SSBP2: variants seen among roughly 807,000 people sequenced by gnomAD.
The protein encoded by SSBP2 is single stranded DNA binding protein 2.
In SSBP2, 17 loss-of-function variants were observed where a neutral mutation model predicts 61.8. The ratio of observed to expected loss-of-function variants is 0.28; its 90% CI spans 0.19 to 0.41. SSBP2 has a LOEUF of 0.41. SSBP2 is among the 10% of genes least tolerant of loss of function. SSBP2 has a pLI of 1.00. For synonymous variants in SSBP2, 139 were observed against 141.3 expected, an observed-to-expected ratio of 0.98 and a Z score of 0.12; for missense variants, 310 against 458.7, an observed-to-expected ratio of 0.68 and a Z score of 2.96.
intron 1 of SSBP2, among the ~76,000 whole-genome samples, chr5:81,728,754 A>G (rs747115917): frequency 2.0e-5 from 3 of 152,222 alleles, no homozygotes; most frequent in Admixed American, 6.5e-5. Context: ...TAAAGCTCCA[A>G]GCATGAATTA....
intron 1 of SSBP2, among the ~76,000 whole-genome samples, chr5:81,725,632 A>T (rs1400383349): frequency 6.6e-6 from 1 of 152,194 alleles, no homozygotes; most frequent in African/African-American, 2.4e-5. Context: ...AGGGCCAGAG[A>T]TGTGGTAAGT....
intron 4 of SSBP2, among the ~76,000 whole-genome samples, chr5:81,574,428 G>C (rs1774058219): frequency 6.6e-6 from 1 of 151,750 alleles, no homozygotes; most frequent in African/African-American, 2.4e-5. Flanking sequence ...ATGATAGATA[G>C]GACATGGTAA....
At chr5:81,434,887 A>T (rs1277229265) in intron 15 of SSBP2, among the ~76,000 whole-genome samples, 2 of 152,164 alleles carry the variant, frequency 1.3e-5, no homozygotes, top group Non-Finnish European at 2.9e-5. Context: ...TGAAAAAATC[A>T]GTCTGGGAGT....
chr5:81,502,006 T>G (rs1000514715), intron 5 of SSBP2, among the ~76,000 whole-genome samples: 16 of 152,308 alleles, frequency 1.1e-4, no homozygotes, highest in African/African-American at 3.8e-4. Flanking sequence ...ATTTCACTCC[T>G]AGCAGCATTT....
At chr5:81,538,839 C>T (rs896928051) in intron 4 of SSBP2, among the ~76,000 whole-genome samples, 3 of 152,148 alleles carry the variant, frequency 2.0e-5, no homozygotes, top group East Asian at 1.9e-4. Flanking sequence ...ACCTGCTACA[C>T]GGAAGTCCTC....
At chr5:81,567,603 GAGA>G (rs60346874) in intron 4 of SSBP2, among the ~76,000 whole-genome samples, 6,402 of 152,232 alleles carry the variant, frequency 0.042, 446 homozygotes, top group African/African-American at 0.14. Flanking sequence ...CTGGACCTAT[GAGA>G]AGAAGGCCAC....
chr5:81,700,132 C>T (rs1753875396), intron 1 of SSBP2, among the ~76,000 whole-genome samples: 1 of 152,076 alleles, frequency 6.6e-6, no homozygotes, highest in Admixed American at 6.6e-5. Flanking sequence ...AGGTGTGAGC[C>T]ACTGTGCCTG....
chr5:81,629,303 A>C (rs999436095), intron 3 of SSBP2, among the ~76,000 whole-genome samples: 2 of 152,180 alleles, frequency 1.3e-5, no homozygotes, highest in Non-Finnish European at 2.9e-5. Flanking sequence ...ATCGATCTTT[A>C]TGTTGATGCC....
At chr5:81,429,952 T>C (rs915452639) in intron 15 of SSBP2, among the ~76,000 whole-genome samples, 3 of 152,158 alleles carry the variant, frequency 2.0e-5, no homozygotes, top group African/African-American at 7.2e-5. Flanking sequence ...ACTTGGGAAA[T>C]ATACTTTAAT....
chr5:81,465,648 T>C (rs904751851), intron 9 of SSBP2, among the ~76,000 whole-genome samples: 1 of 152,078 alleles, frequency 6.6e-6, no homozygotes, highest in African/African-American at 2.4e-5. Flanking sequence ...TTCAACATCA[T>C]ACCCCTTAAA....
At chr5:81,510,534 G>A (rs1032257754) in intron 5 of SSBP2, among the ~76,000 whole-genome samples, 8 of 152,034 alleles carry the variant, frequency 5.3e-5, no homozygotes, top group South Asian at 4.1e-4. Flanking sequence ...AGGCCAAGGC[G>A]GGCAGATAAT....
upstream of SSBP2, chr5:81,751,249 A>C (rs535893115): frequency 1.0e-5 from 6 of 588,864 alleles, no homozygotes; most frequent in East Asian, 8.8e-5. Context: ...GGTGGCGGCT[A>C]AGCCTCAGCG....
At chr5:81,465,699 A>G (rs891996027) in intron 9 of SSBP2, among the ~76,000 whole-genome samples, 10 of 152,054 alleles carry the variant, frequency 6.6e-5, no homozygotes, top group Admixed American at 4.6e-4. Flanking sequence ...GGTATGTTTT[A>G]TATACATCTC....
chr5:81,614,137 G>C (rs950693072), intron 4 of SSBP2, among the ~76,000 whole-genome samples: 16 of 152,196 alleles, frequency 1.1e-4, no homozygotes, highest in African/African-American at 3.9e-4. Context: ...GAGGCGGGCG[G>C]ATCACGAGGT....
chr5:81,750,969 G>T lies in SSBP2; in HGVS notation c.62+12C>A. The T allele has an allele frequency of 6.3e-7, 1 of 1,587,724 alleles. No homozygotes were observed. The highest frequency in any genetic ancestry group is 2.3e-5 in the East Asian group (1 of 43,148). On this transcript the variant is annotated intron_variant, in intron 1 of 16. Coordinates refer to ENST00000320672, the MANE Select transcript of SSBP2 (RefSeq NM_012446.5). ...GTGAAGGCGGAGGTGGGTGAGAAGC[G>T]GAGACACTTACTTCTCCCGGGCCTG... is the stretch of plus-strand genomic sequence containing the variant.
chr5:81,707,707 C>T (rs1365017027), intron 1 of SSBP2, among the ~76,000 whole-genome samples: 1 of 151,646 alleles, frequency 6.6e-6, no homozygotes, highest in Non-Finnish European at 1.5e-5. Flanking sequence ...GTAAGGGAAA[C>T]ACAAAATAGA....
intron 9 of SSBP2, among the ~76,000 whole-genome samples, chr5:81,466,156 C>T (rs1164510894): frequency 6.6e-6 from 1 of 151,972 alleles, no homozygotes; most frequent in Non-Finnish European, 1.5e-5. Flanking sequence ...ACTTTCATTA[C>T]TTTTGGTAAA....
chr5:81,662,500 C>T (rs952811511), intron 1 of SSBP2, among the ~76,000 whole-genome samples: 6 of 151,720 alleles, frequency 4.0e-5, no homozygotes, highest in Non-Finnish European at 5.9e-5. Flanking sequence ...TTCCAATTTA[C>T]CTTATGAAAA....
chr5:81,689,686 C>G (rs147789986), intron 1 of SSBP2, among the ~76,000 whole-genome samples: 1 of 152,012 alleles, frequency 6.6e-6, no homozygotes, highest in Non-Finnish European at 1.5e-5. Context: ...CAGACCTCCC[C>G]TACAAGAAAT....
Sources: gnomAD v4.1 joint callset for allele counts (sites outside exome capture counted in the v4.1 genomes callset) on GRCh38, gnomAD v4.1.1 for gene constraint, MANE v1.5 for transcripts, NCBI Gene and HGNC (gene_info 2026-07-23, HGNC 2026-07-21) for gene names.